Variants in FYN observed in about 807,000 individuals in gnomAD.
FYN encodes FYN proto-oncogene, Src family tyrosine kinase, also known as tyrosine-protein kinase Fyn.
In FYN, 10 loss-of-function variants were observed where a neutral mutation model predicts 70.2. That is an observed-to-expected ratio of 0.14 (90% CI 0.09 to 0.24). FYN has a LOEUF of 0.24. FYN is among the 10% of genes least tolerant of loss of function. The probability of loss-of-function intolerance (pLI) is 1.00; values close to 1 mark genes in which losing one functional copy is unlikely to be tolerated. For missense variants in FYN, 319 were observed against 673.1 expected, an observed-to-expected ratio of 0.47 and a Z score of 5.82; for synonymous variants, 236 against 248.6, an observed-to-expected ratio of 0.95 and a Z score of 0.48.
intron 1 of FYN, among the ~76,000 whole-genome samples, chr6:111,860,740 A>T (rs1288265071): frequency 7.9e-5 from 12 of 152,174 alleles, no homozygotes. Flanking sequence ...TCATTCTACC[A>T]CAGTCCTTCC....
chr6:111,872,680 C>T (rs1036682429), intron 1 of FYN, among the ~76,000 whole-genome samples: 1 of 151,986 alleles, frequency 6.6e-6, no homozygotes, highest in Non-Finnish European at 1.5e-5. Flanking sequence ...GGGCCAGCCT[C>T]GCCCCCAAGC....
At chr6:111,847,222 C>G (rs747198847) in intron 1 of FYN, among the ~76,000 whole-genome samples, 10 of 152,192 alleles carry the variant, frequency 6.6e-5, no homozygotes, top group Non-Finnish European at 1.5e-4. Context: ...ACTCCAGCCC[C>G]GGGACTACCT....
At chr6:111,805,076 C>A (rs928149340) in intron 2 of FYN, among the ~76,000 whole-genome samples, 2 of 151,504 alleles carry the variant, frequency 1.3e-5, no homozygotes, top group Non-Finnish European at 2.9e-5. Flanking sequence ...TTTCTGCTAC[C>A]CCGAGATAAA....
intron 2 of FYN, among the ~76,000 whole-genome samples, chr6:111,807,534 C>T (rs1013400208): frequency 6.6e-6 from 1 of 152,232 alleles, no homozygotes; most frequent in Non-Finnish European, 1.5e-5. Flanking sequence ...CACTTACCCC[C>T]AGGTAAGACT....
intron 3 of FYN, among the ~76,000 whole-genome samples, chr6:111,771,009 G>A (rs1803431597): frequency 6.6e-6 from 1 of 152,158 alleles, no homozygotes; most frequent in Admixed American, 6.5e-5. Context: ...AGTGTAAAAT[G>A]AGAGGCAGGA....
intron 1 of FYN, among the ~76,000 whole-genome samples, chr6:111,855,036 A>G (rs7746529): frequency 0.35 from 52,769 of 152,090 alleles, 13,396 homozygotes; most frequent in African/African-American, 0.72. Context: ...TTATTTTTGA[A>G]CTCAGGTTTT....
chr6:111,814,583 T>G (rs983046227), intron 2 of FYN, among the ~76,000 whole-genome samples: 1 of 152,130 alleles, frequency 6.6e-6, no homozygotes, highest in Non-Finnish European at 1.5e-5. Flanking sequence ...TAGTATAGAA[T>G]AATATATACT....
rs141269134 is a variant in FYN at position 111,688,240 on chromosome 6, C to T, written c.1273+6135G>A. Among the ~76,000 whole-genome samples, 391 of 152,276 alleles carry T rather than the reference C, an allele frequency of 2.6e-3. 5 individuals are homozygous for T. Among genetic ancestry groups the T allele is most frequent in the African/African-American group, 6.5e-3 (269 of 41,546 alleles). On this transcript the variant is annotated intron_variant, in intron 12 of 13. Coordinates refer to ENST00000354650, the MANE Select transcript of FYN (RefSeq NM_002037.5). The stretch of plus-strand genomic sequence containing the variant: ...GGCCAGAACTTATGCTCTAGGAATA[C>T]GGCGTCAGGATGTGAACACAGGCTT...
intron 2 of FYN, among the ~76,000 whole-genome samples, chr6:111,821,684 A>G (rs1463251330): frequency 4.6e-5 from 7 of 152,216 alleles, no homozygotes; most frequent in African/African-American, 1.4e-4. Context: ...AACTACCATC[A>G]GAGTGAACGG....
At chr6:111,866,533 G>C (rs1273257651) in intron 1 of FYN, among the ~76,000 whole-genome samples, 1 of 152,218 alleles carries the variant, frequency 6.6e-6, no homozygotes. Context: ...GTAGAGACAA[G>C]GTTTCGCCGT....
chr6:111,778,557 T>C (rs1399669610), intron 3 of FYN, among the ~76,000 whole-genome samples: 2 of 152,028 alleles, frequency 1.3e-5, no homozygotes, highest in Admixed American at 6.6e-5. Flanking sequence ...TTTTCTTTTT[T>C]CTTTCTTTCT....
At position 111,714,391 on chromosome 6, in the gene FYN, G is replaced by A. The variant is rs1800524084; in HGVS notation, c.300C>T (p.Asp100=). 1.9e-6 allele frequency: 3 copies of A among 1,614,044 alleles called. No homozygotes were observed. The highest frequency in any genetic ancestry group is 2.5e-6 in the Non-Finnish European group (3 of 1,179,972). ...ATTTTTCTCCTTTGTGAAAACTCAG[G>A]TCATCTTCTGTCCGTGCTTCATAGT... The part of the protein sequence containing the change: ...LYDYEARTED[D]LSFHKGEKFQ... Residue 100 remains aspartate, a synonymous_variant, in exon 5 of 14, where the codon GAC becomes GAT. Transcript: ENST00000354650.
At chr6:111,735,310 G>T (rs997013718) in intron 3 of FYN, among the ~76,000 whole-genome samples, 1 of 152,216 alleles carries the variant, frequency 6.6e-6, no homozygotes, top group African/African-American at 2.4e-5. Flanking sequence ...AAGTGGCTGA[G>T]CTTGAGAAGC....
chr6:111,702,574 C>A, intron 8 of FYN: 1 of 221,580 alleles, frequency 4.5e-6, no homozygotes. Context: ...ACATGCAACG[C>A]GGGGAATGGG....
At chr6:111,784,172 A>G (rs900377342) in intron 2 of FYN, among the ~76,000 whole-genome samples, 3 of 152,172 alleles carry the variant, frequency 2.0e-5, no homozygotes, top group African/African-American at 7.2e-5. Flanking sequence ...AAGCTGGTCC[A>G]GAGACAGAAC....
intron 7 of FYN, 44 bp from the exon 8 acceptor site, chr6:111,703,078 A>G: frequency 1.3e-6 from 2 of 1,593,374 alleles, no homozygotes; most frequent in Non-Finnish European, 1.7e-6. Context: ...CATTTAGAGT[A>G]TCAGCTTGCT....
chr6:111,720,495 G>T (rs1357764009), intron 3 of FYN, among the ~76,000 whole-genome samples: 1 of 152,132 alleles, frequency 6.6e-6, no homozygotes, highest in African/African-American at 2.4e-5. Flanking sequence ...GAAATTTAAG[G>T]AAGAGGGCAC....
chr6:111,806,989 C>A (rs1025849134), intron 2 of FYN, among the ~76,000 whole-genome samples: 31 of 152,292 alleles, frequency 2.0e-4, no homozygotes, highest in African/African-American at 7.5e-4. Context: ...TTGTCCTCCA[C>A]ACGCTATTTG....
At chr6:111,809,772 C>T (rs2114296834) in intron 2 of FYN, among the ~76,000 whole-genome samples, 1 of 152,074 alleles carries the variant, frequency 6.6e-6, no homozygotes, top group African/African-American at 2.4e-5. Flanking sequence ...CGGTTTTCTA[C>T]TTGAGATGGT....
Sources: gnomAD v4.1 joint callset for allele counts (sites outside exome capture counted in the v4.1 genomes callset) on GRCh38, gnomAD v4.1.1 for gene constraint, MANE v1.5 for transcripts, NCBI Gene and HGNC (gene_info 2026-07-23, HGNC 2026-07-21) for gene names.